XPO1: variants seen among roughly 807,000 people sequenced by gnomAD.
The protein encoded by XPO1 is exportin 1.
Under a neutral mutation model 133.3 loss-of-function variants are expected in XPO1, and 5 were observed. The observed-to-expected ratio is 0.04, with a 90% CI of 0.02 to 0.08. XPO1 has a LOEUF of 0.08. XPO1 is among the 10% of genes least tolerant of loss of function. The pLI, the probability that XPO1 is intolerant of heterozygous loss-of-function variation, is 1.00. For missense variants in XPO1, 506 were observed against 1,267.5 expected, an observed-to-expected ratio of 0.40 and a Z score of 9.12; for synonymous variants, 419 against 408.2, an observed-to-expected ratio of 1.03 and a Z score of -0.32.
intron 9 of XPO1, 29 bp downstream of exon 9, chr2:61,498,644 G>A (rs372027670): frequency 1.9e-6 from 3 of 1,609,888 alleles, no homozygotes; most frequent in Non-Finnish European, 2.5e-6. Flanking sequence ...GCTATCCGGT[G>A]ACAAATAACT....
chr2:61,514,973 G>T (rs578101389), intron 4 of XPO1, among the ~76,000 whole-genome samples: 8 of 151,044 alleles, frequency 5.3e-5, no homozygotes, highest in African/African-American at 1.9e-4. Context: ...GGAGGCTGAG[G>T]CACAAGAATC....
At chr2:61,525,199 C>T (rs1698864631) in intron 3 of XPO1, 5 of 904,136 alleles carry the variant, frequency 5.5e-6, no homozygotes, top group South Asian at 1.0e-4. Flanking sequence ...TTCCCCTTTC[C>T]CCTCCCACCG....
chr2:61,528,409 C>G lies in XPO1; in HGVS notation c.127-1888G>C, dbSNP rs1699001573. 2.6e-5 allele frequency among the ~76,000 whole-genome samples: 4 copies of G among 152,020 alleles called. No homozygotes were observed. The South Asian group carries it at 8.3e-4, about 32-fold the overall frequency. ...TGGCACTATGGGAGGCCGAGGTGAG[C>G]AGATCACAAGGTCAGGAGTTCAAGA... On this transcript the variant is annotated intron_variant, in intron 2 of 24. Transcript: ENST00000401558.
chr2:61,527,414 G>A (rs189537541), intron 2 of XPO1, among the ~76,000 whole-genome samples: 1 of 151,634 alleles, frequency 6.6e-6, no homozygotes, highest in Non-Finnish European at 1.5e-5. Flanking sequence ...CTTGAGCCCT[G>A]GAAATCAAGG....
At chr2:61,530,710 C>T (rs1351719097) in intron 2 of XPO1, among the ~76,000 whole-genome samples, 1 of 151,688 alleles carries the variant, frequency 6.6e-6, no homozygotes, top group South Asian at 2.1e-4. Flanking sequence ...TTCCCCTCCC[C>T]CAAGTTACAC....
chr2:61,532,936 G>C (rs1389554293), intron 2 of XPO1, among the ~76,000 whole-genome samples: 8 of 152,236 alleles, frequency 5.3e-5, no homozygotes, highest in Admixed American at 1.3e-4. Context: ...CCAGCACTTT[G>C]GGAGGCCGAG....
intron 24 of XPO1, 77 bp downstream of exon 24, chr2:61,481,108 G>T: frequency 2.3e-6 from 2 of 868,680 alleles, no homozygotes; most frequent in Non-Finnish European, 3.4e-6. Flanking sequence ...CAAATCAAGT[G>T]ATAAAAATTC....
chr2:61,488,132 C>A, intron 19 of XPO1, 33 bp downstream of exon 19: 1 of 1,580,088 alleles, frequency 6.3e-7, no homozygotes, highest in East Asian at 2.2e-5. Context: ...AGCATCAACA[C>A]TAGAAATCAA....
chr2:61,528,620 C>T (rs1195983391), intron 2 of XPO1, among the ~76,000 whole-genome samples: 1 of 149,378 alleles, frequency 6.7e-6, no homozygotes, highest in African/African-American at 2.5e-5. Flanking sequence ...CCAGTGCACT[C>T]CAACCTGGGT....
At chr2:61,501,170 C>T (rs1417702911) in intron 6 of XPO1, among the ~76,000 whole-genome samples, 2 of 152,234 alleles carry the variant, frequency 1.3e-5, no homozygotes, top group Non-Finnish European at 2.9e-5. Flanking sequence ...TTACTGAATA[C>T]ACTAAAATTT....
At chr2:61,503,501 T>G (rs370534369) in intron 4 of XPO1, among the ~76,000 whole-genome samples, 33 of 152,050 alleles carry the variant, frequency 2.2e-4, no homozygotes, top group African/African-American at 8.0e-4. Flanking sequence ...CTCGCCTCAC[T>G]GCAAGCTCCA....
intron 10 of XPO1, among the ~76,000 whole-genome samples, chr2:61,495,910 C>T (rs1697219723): frequency 6.6e-6 from 1 of 151,880 alleles, no homozygotes. Flanking sequence ...CTCAAGCAAT[C>T]CTCCCACCTT....
intron 10 of XPO1, among the ~76,000 whole-genome samples, chr2:61,495,893 C>T (rs947936052): frequency 6.6e-6 from 1 of 152,050 alleles, no homozygotes; most frequent in East Asian, 1.9e-4. Flanking sequence ...TGGTCTCAAA[C>T]TCCTGGCTCA....
chr2:61,517,537 G>C (rs980141325), intron 4 of XPO1, among the ~76,000 whole-genome samples: 1 of 152,208 alleles, frequency 6.6e-6, no homozygotes, highest in African/African-American at 2.4e-5. Flanking sequence ...AGTGTGCTAT[G>C]ATTGTGCCAC....
chr2:61,531,171 A>T (rs556238287), intron 2 of XPO1, among the ~76,000 whole-genome samples: 2 of 152,362 alleles, frequency 1.3e-5, no homozygotes, highest in African/African-American at 4.8e-5. Context: ...GACTGAACTA[A>T]CGACATAGGA....
intron 4 of XPO1, among the ~76,000 whole-genome samples, chr2:61,508,568 C>G (rs1418027983): frequency 6.6e-6 from 1 of 152,182 alleles, no homozygotes; most frequent in African/African-American, 2.4e-5. Context: ...AAGGTACACA[C>G]CATCTGCCAA....
chr2:61,482,033 CCTTTTTTTTTTT>C (rs1461156341), intron 23 of XPO1, among the ~76,000 whole-genome samples: 2 of 86,820 alleles, frequency 2.3e-5, no homozygotes, highest in Non-Finnish European at 2.5e-5. Context: ...CCGTGCGTGG[CCTTTTTTTTTTT>C]TTTTTTTTTT....
chr2:61,484,269 C>T (rs1403222956), intron 20 of XPO1, 164 bp from the exon 21 acceptor site: 5 of 580,770 alleles, frequency 8.6e-6, no homozygotes, highest in African/African-American at 5.6e-5. Flanking sequence ...TACAATCCAC[C>T]TCTCACGGAA....
intron 2 of XPO1, among the ~76,000 whole-genome samples, chr2:61,532,343 G>A (rs1699191936): frequency 6.6e-6 from 1 of 151,888 alleles, no homozygotes; most frequent in African/African-American, 2.4e-5. Flanking sequence ...TAGCCAGGAT[G>A]GTCTCGATCT....
Sources: gnomAD v4.1 joint callset for allele counts (sites outside exome capture counted in the v4.1 genomes callset) on GRCh38, gnomAD v4.1.1 for gene constraint, MANE v1.5 for transcripts, NCBI Gene and HGNC (gene_info 2026-07-23, HGNC 2026-07-21) for gene names.